Variants in PDGFD observed in about 807,000 individuals in gnomAD.
The protein encoded by PDGFD is platelet derived growth factor D.
A neutral mutation model predicts 44.7 loss-of-function variants in PDGFD; 30 were observed. The ratio of observed to expected loss-of-function variants is 0.67; its 90% CI spans 0.50 to 0.91. The LOEUF (loss-of-function observed/expected upper bound fraction) is 0.91. PDGFD is among the 40% of genes least tolerant of loss of function. The probability of loss-of-function intolerance (pLI) is 0.00; values close to 1 mark genes in which losing one functional copy is unlikely to be tolerated. For missense variants in PDGFD, 445 were observed against 457.8 expected (o/e 0.97, Z 0.25); for synonymous variants, 173 against 168.4 (o/e 1.03, Z -0.21).
chr11:104,015,577 TAAAG>T (rs924360594), intron 1 of PDGFD, among the ~76,000 whole-genome samples: 11 of 152,302 alleles, frequency 7.2e-5, no homozygotes, highest in African/African-American at 2.4e-4. Flanking sequence ...ACTTTATCCT[TAAAG>T]AAAACAGTAC....
At chr11:104,144,565 C>T (rs1448169871) in intron 1 of PDGFD, among the ~76,000 whole-genome samples, 1 of 140,466 alleles carries the variant, frequency 7.1e-6, no homozygotes, top group African/African-American at 2.8e-5. Flanking sequence ...AAAGGCCAAA[C>T]TGAACACAAC....
chr11:104,132,219 T>C (rs1861934492), intron 1 of PDGFD, among the ~76,000 whole-genome samples: 1 of 152,090 alleles, frequency 6.6e-6, no homozygotes. Flanking sequence ...CTTATACTTA[T>C]CTAGGTAAAA....
Position 103,966,571 on chromosome 11 carries a change from T to C in PDGFD, c.511-18847A>G, listed in dbSNP as rs192463520. On this transcript the variant is annotated intron_variant, in intron 3 of 6. Coordinates refer to ENST00000393158, the MANE Select transcript of PDGFD (RefSeq NM_025208.5). Reference sequence around the variant, plus strand: ...GCATTATCCTCTGCCAACTTCTTAGTTTACTGATGGGATCGAAAGCTGATG... The same window carrying C: ...GCATTATCCTCTGCCAACTTCTTAGCTTACTGATGGGATCGAAAGCTGATG... Among the ~76,000 whole-genome samples, 40 of 152,278 alleles carry C rather than the reference T, an allele frequency of 2.6e-4. No individual in the cohort carries two copies. In the East Asian group the frequency reaches 7.7e-3, roughly 29 times the overall value.
chr11:104,163,734 A>G, intron 1 of PDGFD, 70 bp downstream of exon 1: 1 of 1,442,894 alleles, frequency 6.9e-7, no homozygotes, highest in Non-Finnish European at 9.3e-7. Context: ...AAGGGGAAAA[A>G]CATAGAAAGA....
At chr11:104,154,973 T>C (rs1005877693) in intron 1 of PDGFD, among the ~76,000 whole-genome samples, 1 of 152,212 alleles carries the variant, frequency 6.6e-6, no homozygotes, top group Non-Finnish European at 1.5e-5. Context: ...AGTGAAAATA[T>C]GCAAGTTTGA....
Position 103,909,643 on chromosome 11 carries a change from T to C in PDGFD, c.*51A>G. 6.2e-7 allele frequency: 1 copy of C among 1,607,024 alleles called. No homozygotes were observed. Among genetic ancestry groups the C allele is most frequent in the Non-Finnish European group, 8.5e-7 (1 of 1,174,058 alleles). ...AGGAAAAGGGTCTCTTATCTCACCC[T>C]CCTTAAACTAAAGGTTCTTTCAGGC... On this transcript the variant is annotated 3_prime_UTR_variant, in exon 7 of 7. Coordinates refer to ENST00000393158, the MANE Select transcript of PDGFD (RefSeq NM_025208.5).
At position 103,994,633 on chromosome 11, in the gene PDGFD, T is replaced by TA. The variant is rs201225365; in HGVS notation, c.510+1431dup. 1.4e-4 allele frequency among the ~76,000 whole-genome samples: 21 copies of TA among 152,126 alleles called. 1 individual carries two copies. The South Asian group carries it at 4.1e-3, about 30-fold the overall frequency. The stretch of plus-strand genomic sequence containing the variant: ...AAACTTTAATTCTTAAGATAAAAAA[T>TA]AAAAAAATAAATTGATGCCATTTAT... On this transcript the variant is annotated intron_variant, in intron 3 of 6. Coordinates refer to ENST00000393158, the MANE Select transcript of PDGFD (RefSeq NM_025208.5).
At chr11:104,018,336 G>A (rs1260468435) in intron 1 of PDGFD, among the ~76,000 whole-genome samples, 1 of 152,174 alleles carries the variant, frequency 6.6e-6, no homozygotes, top group African/African-American at 2.4e-5. Context: ...AAACAGAACT[G>A]AAGAAGTTAA....
intron 1 of PDGFD, among the ~76,000 whole-genome samples, chr11:104,031,807 G>T (rs1381329005): frequency 6.6e-6 from 1 of 152,124 alleles, no homozygotes; most frequent in Admixed American, 6.5e-5. Context: ...GAAATACTAT[G>T]CAGCCATAAA....
At chr11:103,946,200 T>TA (rs542892178) in intron 4 of PDGFD, among the ~76,000 whole-genome samples, 60 of 152,058 alleles carry the variant, frequency 3.9e-4, no homozygotes, top group Non-Finnish European at 7.5e-4. Context: ...AAAAACAAAG[T>TA]ATGGTTTAAA....
intron 5 of PDGFD, among the ~76,000 whole-genome samples, chr11:103,928,882 A>C (rs891938402): frequency 6.6e-6 from 1 of 152,238 alleles, no homozygotes; most frequent in Admixed American, 6.5e-5. Flanking sequence ...ATCCATTACA[A>C]GTGTCACCTT....
chr11:104,163,929 T>C lies in PDGFD; in HGVS notation c.-2A>G, dbSNP rs757246957. The C allele has an allele frequency of 7.1e-6, 11 of 1,541,550 alleles. No individual in the cohort carries two copies. Among genetic ancestry groups the C allele is most frequent in the Non-Finnish European group, 5.3e-6 (6 of 1,130,046 alleles). ...GTAGACAAAGATGAGCCGGTGCATT[T>C]GGGATCAGCGACTAGAGACAGCGTC... is the stretch of plus-strand genomic sequence containing the variant. On this transcript the variant is annotated 5_prime_UTR_variant, in exon 1 of 7. Transcript: ENST00000393158.
chr11:104,087,021 C>CT (rs528848924), intron 1 of PDGFD, among the ~76,000 whole-genome samples: 18,375 of 102,552 alleles, frequency 0.18, 3,437 homozygotes, highest in Non-Finnish European at 0.25. Flanking sequence ...GGCTCTTAGT[C>CT]TTTTTTTTTT....
intron 1 of PDGFD, among the ~76,000 whole-genome samples, chr11:104,066,308 A>C (rs1473226097): frequency 1.3e-5 from 2 of 152,194 alleles, no homozygotes; most frequent in African/African-American, 4.8e-5. Flanking sequence ...AAAATCACTC[A>C]GTTGAATTAA....
intron 1 of PDGFD, among the ~76,000 whole-genome samples, chr11:104,049,696 T>C (rs1860497970): frequency 6.6e-6 from 1 of 151,244 alleles, no homozygotes; most frequent in Admixed American, 6.6e-5. Flanking sequence ...GAGAGGGAAA[T>C]AAAGAAAATC....
intron 1 of PDGFD, among the ~76,000 whole-genome samples, chr11:104,154,568 A>G (rs1190977456): frequency 6.6e-6 from 1 of 152,190 alleles, no homozygotes; most frequent in Admixed American, 6.6e-5. Flanking sequence ...TTGTGATGGT[A>G]AAGTGAAGAG....
At chr11:104,102,816 A>T (rs920090472) in intron 1 of PDGFD, among the ~76,000 whole-genome samples, 16 of 152,164 alleles carry the variant, frequency 1.1e-4, no homozygotes, top group Non-Finnish European at 2.4e-4. Context: ...TTCTCAGCAA[A>T]CTACTGCAAG....
intron 1 of PDGFD, among the ~76,000 whole-genome samples, chr11:104,107,954 C>T (rs982890886): frequency 1.4e-4 from 21 of 151,996 alleles, no homozygotes; most frequent in African/African-American, 4.4e-4. Flanking sequence ...GTATCATCAG[C>T]TACATACATA....
intron 6 of PDGFD, among the ~76,000 whole-genome samples, chr11:103,914,491 C>G (rs187659983): frequency 6.6e-6 from 1 of 152,098 alleles, no homozygotes. Flanking sequence ...CAGGACCAGA[C>G]GGATTCACAG....
Sources: allele counts gnomAD v4.1 joint callset (sites outside exome capture counted in the v4.1 genomes callset), GRCh38; gene constraint gnomAD v4.1.1; transcripts MANE v1.5; gene names NCBI Gene and HGNC (gene_info 2026-07-23, HGNC 2026-07-21).